USB1: variants seen among roughly 807,000 people sequenced by gnomAD.
The protein encoded by USB1 is U6 snRNA biogenesis phosphodiesterase 1.
In USB1, 21 loss-of-function variants were observed where a neutral mutation model predicts 29.9. That is an observed-to-expected ratio of 0.70 (90% CI 0.50 to 1.01). The LOEUF is 1.01. USB1 is among the 50% of genes least tolerant of loss of function. The pLI is 0.00. For synonymous variants in USB1, 143 were observed against 134.9 expected (o/e 1.06, Z -0.42); for missense variants, 330 against 347.1 (o/e 0.95, Z 0.39).
chr16:58,010,111 A>G lies in USB1; in HGVS notation c.448A>G (p.Arg150Gly). 1.9e-6 allele frequency: 3 copies of G among 1,613,860 alleles called. No homozygotes were observed. Among genetic ancestry groups the G allele is most frequent in the South Asian group, 1.1e-5 (1 of 91,062 alleles). Residue 150 changes from arginine to glycine, a missense_variant and splice_region_variant, in exon 3 of 7, where the codon AGA becomes GGA. Physicochemically the swap from Arg to Gly is moderately radical, Grantham distance 125. Transcript: ENST00000219281. ...GAAAGCCCGTATGACCTCCTTCCACAGGTGAGTGCTTCTTCCCTCTGCCTC... is the reference window on the plus strand; with the variant it reads ...GAAAGCCCGTATGACCTCCTTCCACGGGTGAGTGCTTCTTCCCTCTGCCTC... The part of the protein sequence containing the change: ...ALKARMTSFH[R>G]FFFTANQVKI...
chr16:58,014,967 A>G (rs1167357565), intron 4 of USB1: 1 of 153,584 alleles, frequency 6.5e-6, no homozygotes, highest in Non-Finnish European at 1.4e-5. Context: ...AATCCCAGCT[A>G]CTCGAGAGGC....
intron 6 of USB1, 56 bp downstream of exon 6, chr16:58,019,111 G>T: frequency 6.4e-7 from 1 of 1,573,244 alleles, no homozygotes; most frequent in South Asian, 1.1e-5. Context: ...TGACAGGACA[G>T]ATGCTGGAGA....
chr16:58,020,571 T>G lies in USB1; in HGVS notation c.*326T>G. On this transcript the variant is annotated 3_prime_UTR_variant, in exon 7 of 7. Transcript: ENST00000219281. ...TGTCTCTCCTCCCCTCCTCTCTTCC[T>G]CTCCTCTCTCTTCCTCTCCTCTCTC... 1 of 375,450 alleles carries G rather than the reference T, an allele frequency of 2.7e-6. No individual in the cohort carries two copies. Among genetic ancestry groups the G allele is most frequent in the South Asian group, 2.3e-5 (1 of 44,158 alleles). The allele number at this position is 375,450 out of a possible 1,614,324, so 23.3% of individuals were successfully genotyped here.
chr16:58,018,898 G>A, intron 5 of USB1, 74 bp from the exon 6 acceptor site: 6 of 1,470,536 alleles, frequency 4.1e-6, no homozygotes, highest in Non-Finnish European at 5.7e-6. Flanking sequence ...CGACAGCTCT[G>A]TCACAGACCT....
In USB1 at chr16:58,017,370, C is replaced by G. The variant is rs761161720; in HGVS notation, c.540C>G (p.Ala180=). The change falls in exon 5 of 7, where the codon GCC becomes GCG. Residue 180 remains alanine (A), a synonymous_variant. Transcript: ENST00000219281. ...FIGLEVTSGH[A]QFLDLVSEVD... ...GGCTTGAGGTCACTTCAGGGCATGC[C>G]CAGTTCCTGGACCTGGTTTCAGAGG... 3 of 1,614,168 alleles carry G rather than the reference C, an allele frequency of 1.9e-6. No homozygotes were observed. Among genetic ancestry groups the G allele is most frequent in the Non-Finnish European group, 2.5e-6 (3 of 1,180,024 alleles).
upstream of USB1, chr16:58,001,384 C>T: frequency 7.1e-7 from 1 of 1,409,100 alleles, no homozygotes; most frequent in Middle Eastern, 2.3e-4. Flanking sequence ...CGGTGCCAGC[C>T]CAGGCCCCGC....
chr16:58,014,455 G>C (rs60913773), intron 4 of USB1, 129 bp downstream of exon 4: 25 of 787,372 alleles, frequency 3.2e-5, no homozygotes, highest in Non-Finnish European at 4.4e-5. Flanking sequence ...TATAAAGGCA[G>C]CTATCCCCAA....
At chr16:58,010,858 G>A in intron 3 of USB1, 1 of 613,554 alleles carries the variant, frequency 1.6e-6, no homozygotes, top group Non-Finnish European at 2.9e-6. Context: ...ACCAAGGGAA[G>A]CTCCTCAAAC....
chr16:58,010,231 CT>C (rs1290014098), intron 3 of USB1, 119 bp downstream of exon 3: 1 of 1,260,848 alleles, frequency 7.9e-7, no homozygotes, highest in African/African-American at 1.5e-5. Flanking sequence ...AACACGGCCC[CT>C]CTCCTGGGGC....
chr16:58,011,822 T>G (rs1963503795), intron 3 of USB1: 1 of 988,416 alleles, frequency 1.0e-6, no homozygotes, highest in African/African-American at 1.7e-5. Context: ...CCCACAGCTT[T>G]TTTCCAAGTG....
At chr16:58,012,754 A>G (rs1213610514) in intron 3 of USB1, 11 of 1,038,330 alleles carry the variant, frequency 1.1e-5, no homozygotes, top group Non-Finnish European at 1.3e-5. Context: ...CGGCTATGTT[A>G]GTGCTGATGA....
At chr16:58,002,994 C>A (rs942789434) in intron 2 of USB1, among the ~76,000 whole-genome samples, 1 of 152,158 alleles carries the variant, frequency 6.6e-6, no homozygotes, top group African/African-American at 2.4e-5. Context: ...TCAAATCCCA[C>A]CCTAGCTCTG....
chr16:58,016,873 A>G, intron 4 of USB1: 1 of 205,474 alleles, frequency 4.9e-6, no homozygotes, highest in Non-Finnish European at 1.0e-5. Context: ...TGGGATGGGG[A>G]CGTGCTGAAA....
intron 3 of USB1, chr16:58,012,131 A>C: frequency 7.1e-7 from 1 of 1,409,656 alleles, no homozygotes; most frequent in East Asian, 2.6e-5. Flanking sequence ...TCACTGCCCA[A>C]CTAGGAAACT....
At chr16:58,007,104 G>A (rs1454900502) in intron 2 of USB1, among the ~76,000 whole-genome samples, 2 of 152,144 alleles carry the variant, frequency 1.3e-5, no homozygotes, top group African/African-American at 4.8e-5. Context: ...ATATGTTGTT[G>A]TATTCAATTT....
intron 2 of USB1, among the ~76,000 whole-genome samples, chr16:58,007,621 A>T (rs575783237): frequency 6.6e-6 from 1 of 152,162 alleles, no homozygotes; most frequent in East Asian, 2.0e-4. Flanking sequence ...ACCTCCGGTG[A>T]ACCACCCACC....
intron 3 of USB1, chr16:58,011,684 T>C (rs140205720): frequency 0.012 from 12,318 of 987,900 alleles, 97 homozygotes; most frequent in Admixed American, 0.02. Context: ...CAGAGATCAG[T>C]TGGTCCTGTG....
chr16:58,011,619 C>T (rs1040677548), intron 3 of USB1: 2 of 988,888 alleles, frequency 2.0e-6, no homozygotes, highest in Non-Finnish European at 2.4e-6. Flanking sequence ...ACAGGTGACA[C>T]CTCCGTCCAG....
intron 3 of USB1, chr16:58,012,791 GAC>G: frequency 4.0e-6 from 4 of 1,005,940 alleles, no homozygotes; most frequent in Non-Finnish European, 4.7e-6. Flanking sequence ...GCGCTAGGAA[GAC>G]AGCATGAACT....
Sources: allele counts gnomAD v4.1 joint callset (sites outside exome capture counted in the v4.1 genomes callset), GRCh38; gene constraint gnomAD v4.1.1; transcripts MANE v1.5; gene names NCBI Gene and HGNC (gene_info 2026-07-23, HGNC 2026-07-21).